MSRA: variants seen among roughly 807,000 people sequenced by gnomAD.
MSRA encodes the protein methionine sulfoxide reductase A.
In MSRA, 54 loss-of-function variants were observed where a neutral mutation model predicts 31.3. That is an observed-to-expected ratio of 1.73 (90% CI 1.39 to 2.17). The LOEUF (loss-of-function observed/expected upper bound fraction) is 2.17. MSRA is among the 30% of genes most tolerant of loss of function. The probability of loss-of-function intolerance (pLI) is 0.00; values close to 1 mark genes in which losing one functional copy is unlikely to be tolerated. For synonymous variants in MSRA, 169 were observed against 116.5 expected, an observed-to-expected ratio of 1.45 and a Z score of -2.90; for missense variants, 507 against 300.9, an observed-to-expected ratio of 1.69 and a Z score of -5.07.
intron 5 of MSRA, among the ~76,000 whole-genome samples, chr8:10,346,067 G>C (rs1803755294): frequency 1.3e-5 from 2 of 152,136 alleles, no homozygotes; most frequent in African/African-American, 4.8e-5. Context: ...ATGTTTGTGA[G>C]GGCAGCTCAA....
At chr8:10,225,765 C>T (rs1401714321) in intron 2 of MSRA, among the ~76,000 whole-genome samples, 4 of 152,056 alleles carry the variant, frequency 2.6e-5, no homozygotes, top group African/African-American at 7.2e-5. Flanking sequence ...ACACTCGGAG[C>T]CTCAGAGAGG....
intron 1 of MSRA, among the ~76,000 whole-genome samples, chr8:10,109,689 A>G (rs983023493): frequency 3.3e-5 from 5 of 152,140 alleles, no homozygotes; most frequent in African/African-American, 1.2e-4. Flanking sequence ...GTGTTTTGAA[A>G]CTATATCACA....
At chr8:10,138,896 A>T (rs1207649020) in intron 1 of MSRA, among the ~76,000 whole-genome samples, 1 of 152,214 alleles carries the variant, frequency 6.6e-6, no homozygotes, top group East Asian at 1.9e-4. Context: ...ACAGCAGCAG[A>T]GCTAGCTACC....
intron 1 of MSRA, among the ~76,000 whole-genome samples, chr8:10,170,339 A>G (rs1805489104): frequency 6.6e-6 from 1 of 152,172 alleles, no homozygotes; most frequent in Non-Finnish European, 1.5e-5. Context: ...GTGCTCTTAT[A>G]AGAAAGGCCC....
At chr8:10,249,725 T>A (rs991147869) in intron 3 of MSRA, among the ~76,000 whole-genome samples, 2 of 152,278 alleles carry the variant, frequency 1.3e-5, no homozygotes, top group East Asian at 3.9e-4. Context: ...TCTGATGCAT[T>A]TCTGATCTGT....
intron 5 of MSRA, among the ~76,000 whole-genome samples, chr8:10,356,257 A>G (rs1274163828): frequency 6.6e-6 from 1 of 152,380 alleles, no homozygotes; most frequent in South Asian, 2.1e-4. Flanking sequence ...CAGGAAAGGC[A>G]GACCTTGAAA....
chr8:10,177,007 G>C (rs1201365468), intron 1 of MSRA, among the ~76,000 whole-genome samples: 1 of 152,242 alleles, frequency 6.6e-6, no homozygotes, highest in Non-Finnish European at 1.5e-5. Context: ...GCAGGTTCAT[G>C]ATGGAGCTCC....
chr8:10,358,565 CTTT>C (rs59106668), intron 5 of MSRA, among the ~76,000 whole-genome samples: 1 of 64,004 alleles, frequency 1.6e-5, no homozygotes, highest in Non-Finnish European at 2.6e-5. Flanking sequence ...GCATTAGATT[CTTT>C]TTTTTTTTTT....
intron 3 of MSRA, among the ~76,000 whole-genome samples, chr8:10,270,396 A>C (rs908679976): frequency 4.2e-5 from 5 of 117,918 alleles, no homozygotes; most frequent in African/African-American, 1.2e-4. Flanking sequence ...CTGCTTTTGA[A>C]GAAGCATACT....
At chr8:10,343,237 C>G (rs1209390820) in intron 5 of MSRA, among the ~76,000 whole-genome samples, 1 of 152,188 alleles carries the variant, frequency 6.6e-6, no homozygotes, top group Non-Finnish European at 1.5e-5. Flanking sequence ...GAAAGGGATT[C>G]CAGAATCCAT....
intron 1 of MSRA, among the ~76,000 whole-genome samples, chr8:10,140,545 C>A (rs1019170296): frequency 6.6e-6 from 1 of 151,974 alleles, no homozygotes; most frequent in African/African-American, 2.4e-5. Flanking sequence ...TTTAGCATAC[C>A]AAGGGCCTGA....
chr8:10,262,208 G>A (rs933257334), intron 3 of MSRA, among the ~76,000 whole-genome samples: 2 of 152,330 alleles, frequency 1.3e-5, no homozygotes, highest in Admixed American at 6.5e-5. Flanking sequence ...GTTTTTATGT[G>A]CACATAAGTT....
In MSRA at chr8:10,092,642, C is replaced by A. The variant is rs571063030; in HGVS notation, c.142+37984C>A. ...CTGGTGACGGAGTGAGATTCTGTCT[C>A]AAAAAAAAAAAAAATTCTGCTCTTG... On this transcript the variant is annotated intron_variant, in intron 1 of 5. Transcript: ENST00000317173. Among the ~76,000 whole-genome samples the A allele has an allele frequency of 5.9e-3, 863 of 145,718 alleles. 11 individuals carry two copies. The highest frequency in any genetic ancestry group is 0.019 in the African/African-American group (755 of 38,982).
chr8:10,374,428 G>C (rs1422472507), intron 5 of MSRA, among the ~76,000 whole-genome samples: 1 of 152,142 alleles, frequency 6.6e-6, no homozygotes, highest in Non-Finnish European at 1.5e-5. Context: ...CTAGATCCTA[G>C]GCTGGGTACC....
chr8:10,269,536 A>G (rs1798920796), intron 3 of MSRA, among the ~76,000 whole-genome samples: 1 of 152,278 alleles, frequency 6.6e-6, no homozygotes, highest in African/African-American at 2.4e-5. Flanking sequence ...TTACCTACAG[A>G]GAGCCGGCAG....
At chr8:10,084,372 A>C (rs1418862001) in intron 1 of MSRA, among the ~76,000 whole-genome samples, 1 of 152,228 alleles carries the variant, frequency 6.6e-6, no homozygotes, top group Non-Finnish European at 1.5e-5. Flanking sequence ...GCCCGGCTCC[A>C]CTGACTCATA....
At chr8:10,423,288 C>G (rs1808924305) in intron 5 of MSRA, among the ~76,000 whole-genome samples, 1 of 152,186 alleles carries the variant, frequency 6.6e-6, no homozygotes, top group Non-Finnish European at 1.5e-5. Context: ...CTAAGGCGTT[C>G]CATCTGCTCC....
intron 3 of MSRA, among the ~76,000 whole-genome samples, chr8:10,258,216 A>G (rs1332905896): frequency 3.3e-5 from 5 of 152,196 alleles, no homozygotes; most frequent in Non-Finnish European, 7.3e-5. Flanking sequence ...GGGACAGTCT[A>G]TGTCTAGAGT....
At chr8:10,404,434 C>T (rs966796510) in intron 5 of MSRA, among the ~76,000 whole-genome samples, 9 of 152,194 alleles carry the variant, frequency 5.9e-5, no homozygotes, top group African/African-American at 1.2e-4. Context: ...GAGGGGCAGG[C>T]GGGTGTGGGA....
Sources: allele counts gnomAD v4.1 joint callset (sites outside exome capture counted in the v4.1 genomes callset), GRCh38; gene constraint gnomAD v4.1.1; transcripts MANE v1.5; gene names NCBI Gene and HGNC (gene_info 2026-07-23, HGNC 2026-07-21).